TNKS: variants seen among roughly 807,000 people sequenced by gnomAD.
The protein encoded by TNKS is tankyrase.
In TNKS, 72 loss-of-function variants were observed where a neutral mutation model predicts 135.8. That is an observed-to-expected ratio of 0.53 (90% CI 0.44 to 0.64). The LOEUF is 0.64. TNKS is among the 30% of genes least tolerant of loss of function. TNKS has a pLI of 0.00. For synonymous variants in TNKS, 849 were observed against 649.3 expected, an observed-to-expected ratio of 1.31 and a Z score of -4.68; for missense variants, 1,769 against 1,674.0, an observed-to-expected ratio of 1.06 and a Z score of -0.99.
At position 9,717,089 on chromosome 8, in the gene TNKS, ATATATATATATATT is replaced by A. The variant is rs1293709044; in HGVS notation, c.1750-3283_1750-3270del. Among the ~76,000 whole-genome samples, 297 of 126,710 alleles carry A rather than the reference ATATATATATATATT, an allele frequency of 2.3e-3. 23 individuals are homozygous for A. The highest frequency in any genetic ancestry group is 4.8e-4 in the Non-Finnish European group (28 of 58,410). 83.1% of individuals were successfully genotyped at this position (126,710 alleles called of 152,430 possible). A position where few individuals can be genotyped will look rare whatever the true frequency, so the allele number is the denominator to read the frequency against. Reference sequence around the variant, plus strand: ...TGTATTATAATATATATATATATATATATATATATATATTTTCAGGGAATTTGATTGTTTCTTTT... The same window carrying A: ...TGTATTATAATATATATATATATATATTCAGGGAATTTGATTGTTTCTTTT... On this transcript the variant is annotated intron_variant, in intron 11 of 26. Coordinates refer to ENST00000310430, the MANE Select transcript of TNKS (RefSeq NM_003747.3).
chr8:9,666,535 C>T (rs1801996588), intron 3 of TNKS, among the ~76,000 whole-genome samples: 1 of 152,120 alleles, frequency 6.6e-6, no homozygotes, highest in Admixed American at 6.5e-5. Context: ...GCCTGGCCAA[C>T]ATGGTGAAAC....
chr8:9,598,275 C>G (rs1798869485), intron 2 of TNKS, among the ~76,000 whole-genome samples: 1 of 151,960 alleles, frequency 6.6e-6, no homozygotes, highest in Admixed American at 6.5e-5. Context: ...TCTTGATCTC[C>G]TGACCTCGTG....
chr8:9,744,064 T>C (rs1298176835), intron 17 of TNKS, among the ~76,000 whole-genome samples: 2 of 152,204 alleles, frequency 1.3e-5, no homozygotes, highest in Non-Finnish European at 2.9e-5. Context: ...TTGAGCCTTT[T>C]TTGTATAAAA....
rs534838599 is a variant in TNKS, at chr8:9,666,546, C to A, written c.995-13405C>A. Among the ~76,000 whole-genome samples, 16 of 151,922 alleles carry A rather than the reference C, an allele frequency of 1.1e-4. No homozygotes were observed. In the South Asian group the frequency reaches 2.9e-3, roughly 28 times the overall value. Reference sequence around the variant, plus strand: ...ACCAGCCTGGCCAACATGGTGAAACCCCGTCTCTACTAAAAATACAAAAAT... The same window carrying A: ...ACCAGCCTGGCCAACATGGTGAAACACCGTCTCTACTAAAAATACAAAAAT... On this transcript the variant is annotated intron_variant, in intron 3 of 26. Transcript: ENST00000310430.
At chr8:9,654,102 A>G (rs147264434) in intron 3 of TNKS, among the ~76,000 whole-genome samples, 3 of 152,262 alleles carry the variant, frequency 2.0e-5, no homozygotes, top group East Asian at 3.9e-4. Flanking sequence ...AAATATCTAT[A>G]CCTGCATTAG....
intron 9 of TNKS, among the ~76,000 whole-genome samples, chr8:9,709,271 T>C (rs777993550): frequency 2.0e-5 from 3 of 152,176 alleles, no homozygotes; most frequent in Non-Finnish European, 4.4e-5. Context: ...TCTCTCAAAC[T>C]AGGGTTGAGA....
At chr8:9,739,063 T>C (rs1279996168) in intron 17 of TNKS, among the ~76,000 whole-genome samples, 1 of 150,252 alleles carries the variant, frequency 6.7e-6, no homozygotes, top group South Asian at 2.1e-4. Flanking sequence ...TGGGATCTAA[T>C]TAAACTAAAG....
At chr8:9,710,405 C>G in intron 11 of TNKS, 185 bp downstream of exon 11, 1 of 621,990 alleles carries the variant, frequency 1.6e-6, no homozygotes, top group Non-Finnish European at 2.8e-6. Flanking sequence ...AAATAATTAC[C>G]CGTGTTTCTT....
At chr8:9,765,178 A>G (rs1017351839) in intron 23 of TNKS, among the ~76,000 whole-genome samples, 12 of 152,162 alleles carry the variant, frequency 7.9e-5, no homozygotes, top group Non-Finnish European at 2.9e-5. Flanking sequence ...CTCAGAATAC[A>G]TATATTTCTT....
intron 17 of TNKS, among the ~76,000 whole-genome samples, chr8:9,747,000 A>C (rs1806270154): frequency 6.8e-6 from 1 of 146,900 alleles, no homozygotes. Context: ...CTCTTGCCTC[A>C]GCCTCCCGAG....
chr8:9,706,124 G>C, intron 6 of TNKS, 63 bp from the exon 7 acceptor site: 6 of 1,168,898 alleles, frequency 5.1e-6, no homozygotes, highest in Non-Finnish European at 7.3e-6. Flanking sequence ...TTATTTCTTA[G>C]TACGACATGG....
rs575184861 is a variant in TNKS at position 9,583,893 on chromosome 8, G to A, written c.898+3510G>A. On this transcript the variant is annotated intron_variant, in intron 2 of 26. Coordinates refer to ENST00000310430, the MANE Select transcript of TNKS (RefSeq NM_003747.3). ...ATAAGATCTGGGAGTCGGAGGGTGC[G>A]GTGGCTCACTCCTGTAATCCCAGTA... Among the ~76,000 whole-genome samples, 75 of 151,380 alleles carry A rather than the reference G, an allele frequency of 5.0e-4. 1 individual carries two copies. In the South Asian group the frequency reaches 0.012, roughly 24 times the overall value.
chr8:9,655,599 T>G (rs541550136), intron 3 of TNKS, among the ~76,000 whole-genome samples: 124 of 152,334 alleles, frequency 8.1e-4, no homozygotes, highest in African/African-American at 2.8e-3. Flanking sequence ...TCCGCTGTTC[T>G]GCAGCCACTG....
intron 3 of TNKS, among the ~76,000 whole-genome samples, chr8:9,621,327 G>A (rs955888365): frequency 4.2e-5 from 6 of 144,116 alleles, no homozygotes; most frequent in South Asian, 2.2e-4. Flanking sequence ...TTTTTGAGAC[G>A]GAGTTTCACT....
intron 3 of TNKS, among the ~76,000 whole-genome samples, chr8:9,672,291 G>A (rs921913673): frequency 7.2e-5 from 11 of 152,032 alleles, no homozygotes; most frequent in Non-Finnish European, 1.5e-4. Flanking sequence ...TTACATAATG[G>A]GGGACCTTGG....
intron 17 of TNKS, among the ~76,000 whole-genome samples, chr8:9,742,242 G>T (rs1019006501): frequency 1.3e-5 from 2 of 151,614 alleles, no homozygotes; most frequent in East Asian, 3.9e-4. Context: ...TAAAAATCAG[G>T]CATCCGTGAG....
intron 12 of TNKS, among the ~76,000 whole-genome samples, chr8:9,726,414 C>T (rs866221780): frequency 3.3e-5 from 5 of 152,070 alleles, no homozygotes; most frequent in African/African-American, 1.2e-4. Flanking sequence ...TATGTACATA[C>T]ATAAAAAAAG....
intron 26 of TNKS, among the ~76,000 whole-genome samples, chr8:9,772,811 G>T (rs1032787077): frequency 4.4e-4 from 30 of 68,392 alleles, no homozygotes; most frequent in East Asian, 7.7e-4. Flanking sequence ...GTGTGTGTTT[G>T]TGTGTGTGTG....
chr8:9,665,955 C>G lies in TNKS; in HGVS notation c.995-13996C>G, dbSNP rs114195462. On this transcript the variant is annotated intron_variant, in intron 3 of 26. Coordinates refer to ENST00000310430, the MANE Select transcript of TNKS (RefSeq NM_003747.3). The stretch of plus-strand genomic sequence containing the variant: ...ACCTCTCTTTTTACTACTCTTCTCT[C>G]TTCTTCCTCCCCTCCTCTTTTTTTC... 4.4e-3 allele frequency among the ~76,000 whole-genome samples: 675 copies of G among 152,238 alleles called. 4 individuals carry two copies. The highest frequency in any genetic ancestry group is 0.015 in the African/African-American group (610 of 41,532).
Sources: allele counts gnomAD v4.1 joint callset (sites outside exome capture counted in the v4.1 genomes callset), GRCh38; gene constraint gnomAD v4.1.1; transcripts MANE v1.5; gene names NCBI Gene and HGNC (gene_info 2026-07-23, HGNC 2026-07-21).